Variants in CBX7 observed in about 807,000 individuals in gnomAD.
CBX7 encodes chromobox protein homolog 7.
Under a neutral mutation model 31.4 loss-of-function variants are expected in CBX7, and 14 were observed. The ratio of observed to expected loss-of-function variants is 0.45; its 90% CI spans 0.29 to 0.70. The LOEUF (loss-of-function observed/expected upper bound fraction) is 0.70. Ranked by LOEUF, CBX7 falls within the 30% of genes least tolerant of loss-of-function variation. The probability of loss-of-function intolerance (pLI) is 0.11; values close to 1 mark genes in which losing one functional copy is unlikely to be tolerated. For synonymous variants in CBX7, 159 were observed against 152.6 expected (o/e 1.04, Z -0.31); for missense variants, 269 against 351.9 (o/e 0.76, Z 1.89).
chr22:39,138,806 A>G (rs1930346586), intron 3 of CBX7, 104 bp from the exon 4 acceptor site: 3 of 1,014,914 alleles, frequency 3.0e-6, no homozygotes, highest in Non-Finnish European at 4.6e-6. Flanking sequence ...CAGGGAGGGG[A>G]CACTCCCCAC....
chr22:39,140,726 G>A (rs1379471418), intron 3 of CBX7, among the ~76,000 whole-genome samples: 1 of 143,234 alleles, frequency 7.0e-6, no homozygotes, highest in Admixed American at 7.5e-5. Flanking sequence ...TGGGCTGCCT[G>A]CTGGTGGGGG....
chr22:39,152,403 C>T lies in CBX7; in HGVS notation c.42G>A (p.Glu14=). Residue 14 remains glutamate, a synonymous_variant, in exon 1 of 6, where the codon GAG becomes GAA. Transcript: ENST00000216133. The surrounding 1 kb of genome is among the most constrained non-coding windows in gnomAD (Gnocchi z 4.9). ...SAIGEQVFAV[E]SIRKKRVRKG... is the part of the protein sequence containing the mutation. ...TCCGCACGCGCTTCTTCCGGATGCTCTCCACGGCGAACACCTGCTCGCCGA... is the reference window on the plus strand; with the variant it reads ...TCCGCACGCGCTTCTTCCGGATGCTTTCCACGGCGAACACCTGCTCGCCGA... 7.2e-7 allele frequency: 1 copy of T among 1,380,558 alleles called. No individual in the cohort carries two copies. Among genetic ancestry groups the T allele is most frequent in the Non-Finnish European group, 9.4e-7 (1 of 1,059,518 alleles). The allele number at this position is 1,380,558 out of a possible 1,614,324, so 85.5% of individuals were successfully genotyped here. A position where few individuals can be genotyped will look rare whatever the true frequency, so the allele number is the denominator to read the frequency against.
At position 39,133,734 on chromosome 22, in the gene CBX7, A is replaced by C. The variant is rs970850403; in HGVS notation, c.*157T>G. On this transcript the variant is annotated 3_prime_UTR_variant, in exon 6 of 6. Transcript: ENST00000216133. ...CCTCGTGGTAAACGTCCCTCAGAGA[A>C]AGGGCAGGTGGTGGGAGAGTAGTGG... 2 of 690,478 alleles carry C rather than the reference A, an allele frequency of 2.9e-6. No individual in the cohort carries two copies. The highest frequency in any genetic ancestry group is 3.7e-5 in the African/African-American group (2 of 53,870). 42.8% of individuals were successfully genotyped at this position (690,478 alleles called of 1,614,324 possible).
intron 3 of CBX7, chr22:39,141,014 T>C: frequency 3.9e-6 from 1 of 253,694 alleles, no homozygotes; most frequent in Non-Finnish European, 7.8e-6. Context: ...ACACAGGGCA[T>C]CTTTGTGAAG....
chr22:39,142,164 T>C (rs556625507), intron 2 of CBX7, among the ~76,000 whole-genome samples: 1 of 152,296 alleles, frequency 6.6e-6, no homozygotes, highest in African/African-American at 2.4e-5. Flanking sequence ...GCTCTGTGCC[T>C]CAATGTCCCC....
At chr22:39,138,302 T>C (rs1357875137) in intron 4 of CBX7, among the ~76,000 whole-genome samples, 2 of 152,272 alleles carry the variant, frequency 1.3e-5, no homozygotes, top group Admixed American at 1.3e-4. Context: ...TGTTTAGGGA[T>C]TCTGAGCATC....
In CBX7 at chr22:39,152,557, G is replaced by A; in HGVS notation, c.-113C>T. The A allele has an allele frequency of 3.3e-6, 1 of 300,874 alleles. No individual in the cohort carries two copies. Among genetic ancestry groups the A allele is most frequent in the Non-Finnish European group, 4.9e-6 (1 of 205,722 alleles). 18.6% of individuals were successfully genotyped at this position (300,874 alleles called of 1,614,324 possible). On this transcript the variant is annotated 5_prime_UTR_variant, in exon 1 of 6. Transcript: ENST00000216133. The surrounding 1 kb of genome is among the most constrained non-coding windows in gnomAD (Gnocchi z 4.9). ...GGCGGGGTCCCCGTCACCCTCGTCC[G>A]GGCGCGCACGCGCACGCGCACGCGC...
intron 2 of CBX7, among the ~76,000 whole-genome samples, chr22:39,142,290 T>G (rs1930487331): frequency 6.6e-6 from 1 of 152,148 alleles, no homozygotes; most frequent in African/African-American, 2.4e-5. Context: ...GCTGTTGCTG[T>G]TCCTCCCCGC....
In CBX7 at chr22:39,133,729, A is replaced by G; in HGVS notation, c.*162T>C. 1.5e-6 allele frequency: 1 copy of G among 673,410 alleles called. No individual in the cohort carries two copies. The highest frequency in any genetic ancestry group is 2.3e-6 in the Non-Finnish European group (1 of 432,210). 41.7% of individuals were successfully genotyped at this position (673,410 alleles called of 1,614,324 possible). Reference sequence around the variant, plus strand: ...TGAGGCCTCGTGGTAAACGTCCCTCAGAGAAAGGGCAGGTGGTGGGAGAGT... The same window carrying G: ...TGAGGCCTCGTGGTAAACGTCCCTCGGAGAAAGGGCAGGTGGTGGGAGAGT... On this transcript the variant is annotated 3_prime_UTR_variant, in exon 6 of 6. Coordinates refer to ENST00000216133, the MANE Select transcript of CBX7 (RefSeq NM_175709.5).
At chr22:39,137,116 C>T (rs1313043619) in intron 4 of CBX7, among the ~76,000 whole-genome samples, 1 of 152,162 alleles carries the variant, frequency 6.6e-6, no homozygotes, top group Admixed American at 6.5e-5. Flanking sequence ...TTACCTACAA[C>T]CACACACAGG....
chr22:39,142,971 A>G (rs1930513351), intron 2 of CBX7, among the ~76,000 whole-genome samples: 1 of 149,908 alleles, frequency 6.7e-6, no homozygotes, highest in African/African-American at 2.5e-5. Flanking sequence ...TTTTAAAAAC[A>G]AAGCTTTAAG....
chr22:39,150,171 A>G (rs867939352), intron 1 of CBX7, among the ~76,000 whole-genome samples: 1 of 152,218 alleles, frequency 6.6e-6, no homozygotes, highest in South Asian at 2.1e-4. Context: ...AAAGACCCAC[A>G]GTGTCTAGAG....
chr22:39,134,889 G>A (rs1221492968), intron 4 of CBX7, 137 bp from the exon 5 acceptor site: 44 of 642,436 alleles, frequency 6.8e-5, no homozygotes, highest in Non-Finnish European at 9.7e-5. Flanking sequence ...TGCCACGGCT[G>A]GCCATCACCC....
At position 39,142,724 on chromosome 22, in the gene CBX7, G is replaced by A. The variant is rs146829149; in HGVS notation, c.114-1288C>T. On this transcript the variant is annotated intron_variant, in intron 2 of 5. Transcript: ENST00000216133. ...GGAAAAACCAGTATCACTCACCATCGACGCAAACATAAAAACTTTTCCATT... is the reference window on the plus strand; with the variant it reads ...GGAAAAACCAGTATCACTCACCATCAACGCAAACATAAAAACTTTTCCATT... 1.2e-3 allele frequency among the ~76,000 whole-genome samples: 186 copies of A among 152,252 alleles called. 4 individuals are homozygous for A. Among genetic ancestry groups the A allele is most frequent in the Non-Finnish European group, 4.4e-5 (3 of 68,022 alleles).
Position 39,134,563 on chromosome 22 carries a change from G to A in CBX7, c.436C>T (p.His146Tyr), listed in dbSNP as rs1298196584. 1 of 1,605,262 alleles carries A rather than the reference G, an allele frequency of 6.2e-7. No homozygotes were observed. Among genetic ancestry groups the A allele is most frequent in the Non-Finnish European group, 8.5e-7 (1 of 1,176,446 alleles). ...TTGCGCGAGAGCCGCAGGTACTTGT[G>A]GGCCTTTCGGGGCTTGCGGAGCGGG... The part of the protein sequence containing the change: ...PFPLRKPRKA[H>Y]KYLRLSRKKF... Residue 146 changes from histidine to tyrosine, a missense_variant, in exon 5 of 6, where the codon CAC becomes TAC. Transcript: ENST00000216133.
At chr22:39,151,513 C>T (rs1387403883) in intron 1 of CBX7, among the ~76,000 whole-genome samples, 2 of 152,168 alleles carry the variant, frequency 1.3e-5, no homozygotes, top group Non-Finnish European at 2.9e-5. Context: ...GAGGTGACCC[C>T]CTAAGGCCCC....
intron 4 of CBX7, 124 bp downstream of exon 4, chr22:39,138,512 C>T: frequency 1.1e-6 from 1 of 899,554 alleles, no homozygotes; most frequent in Non-Finnish European, 1.9e-6. Flanking sequence ...CCCCACAGTG[C>T]CCTGGGTGGT....
intron 4 of CBX7, among the ~76,000 whole-genome samples, chr22:39,137,149 G>A (rs906375515): frequency 6.6e-6 from 1 of 152,104 alleles, no homozygotes; most frequent in Admixed American, 6.5e-5. Flanking sequence ...TATCCGAAAT[G>A]CTTGGAACCA....
intron 4 of CBX7, 41 bp from the exon 5 acceptor site, chr22:39,134,793 T>G: frequency 1.0e-6 from 1 of 984,888 alleles, no homozygotes; most frequent in Non-Finnish European, 1.3e-6. Context: ...AGCCCCACCC[T>G]CCCACCCGCC....
Sources: gnomAD v4.1 joint callset for allele counts (sites outside exome capture counted in the v4.1 genomes callset) on GRCh38, gnomAD v4.1.1 for gene constraint, Gnocchi (gnomAD v3.1) non-coding constraint, MANE v1.5 for transcripts, NCBI Gene and HGNC (gene_info 2026-07-23, HGNC 2026-07-21) for gene names.